GTF2IRD1: variants seen among roughly 807,000 people sequenced by gnomAD.
GTF2IRD1 encodes the protein general transcription factor II-I repeat domain-containing protein 1.
A neutral mutation model predicts 113.2 loss-of-function variants in GTF2IRD1; 26 were observed. That is an observed-to-expected ratio of 0.23 (90% CI 0.17 to 0.32). The LOEUF is 0.32. GTF2IRD1 is among the 10% of genes least tolerant of loss of function. The probability of loss-of-function intolerance (pLI) is 1.00; values close to 1 mark genes in which losing one functional copy is unlikely to be tolerated. For synonymous variants in GTF2IRD1, 484 were observed against 529.1 expected (o/e 0.91, Z 1.17); for missense variants, 864 against 1,280.8 (o/e 0.67, Z 4.97).
intron 1 of GTF2IRD1, among the ~76,000 whole-genome samples, chr7:74,495,912 GTC>G (rs1186700540): frequency 6.6e-6 from 1 of 152,156 alleles, no homozygotes; most frequent in Non-Finnish European, 1.5e-5. Flanking sequence ...TGCCCTGCGC[GTC>G]TCTGTGTCCC....
intron 3 of GTF2IRD1, among the ~76,000 whole-genome samples, chr7:74,514,370 G>A (rs781929215): frequency 4.6e-5 from 7 of 152,120 alleles, no homozygotes; most frequent in East Asian, 1.9e-4. Context: ...GGACTGGGCC[G>A]GGTAGAATGG....
chr7:74,549,185 TC>T (rs1292769514), intron 17 of GTF2IRD1, among the ~76,000 whole-genome samples: 1 of 150,634 alleles, frequency 6.6e-6, no homozygotes, highest in African/African-American at 2.4e-5. Flanking sequence ...AGCTGTAATC[TC>T]CCTGTCATCA....
intron 9 of GTF2IRD1, among the ~76,000 whole-genome samples, chr7:74,534,063 T>C (rs1798135885): frequency 6.6e-6 from 1 of 151,168 alleles, no homozygotes; most frequent in Non-Finnish European, 1.5e-5. Flanking sequence ...GTTCACCTTG[T>C]GCTGCCACGA....
chr7:74,507,970 G>A (rs1796390435), intron 1 of GTF2IRD1, 105 bp from the exon 2 acceptor site: 3 of 1,282,062 alleles, frequency 2.3e-6, no homozygotes, highest in East Asian at 2.5e-5. Flanking sequence ...GGATACAGAG[G>A]CGGTCTTGGG....
intron 11 of GTF2IRD1, among the ~76,000 whole-genome samples, chr7:74,536,633 C>A (rs1178226021): frequency 2.0e-5 from 3 of 151,422 alleles, no homozygotes; most frequent in African/African-American, 7.3e-5. Context: ...CATGGTGAAA[C>A]TCCCATCTCT....
rs1345917917 is a variant in GTF2IRD1 at position 74,538,046 on chromosome 7, C to T, written c.1410-90C>T. ...GGGATGCCTTCTGCAGTGGCGCCCG[C>T]GGTGGGCCCTGACTGCCTGGAGGGG... is the stretch of plus-strand genomic sequence containing the variant. On this transcript the variant is annotated intron_variant, in intron 11 of 26. Transcript: ENST00000424337. The T allele has an allele frequency of 2.9e-5, 38 of 1,307,118 alleles. No individual in the cohort carries two copies. In the Admixed American group the frequency reaches 4.6e-4, roughly 16 times the overall value. The allele number at this position is 1,307,118 out of a possible 1,614,324, so 81.0% of individuals were successfully genotyped here.
chr7:74,571,427 C>T (rs1382147631), intron 22 of GTF2IRD1, among the ~76,000 whole-genome samples: 1 of 152,172 alleles, frequency 6.6e-6, no homozygotes, highest in Non-Finnish European at 1.5e-5. Flanking sequence ...CTTCTGCTGA[C>T]GTCCCCATAG....
chr7:74,531,793 C>T (rs1797979146), intron 9 of GTF2IRD1, among the ~76,000 whole-genome samples: 1 of 152,084 alleles, frequency 6.6e-6, no homozygotes, highest in East Asian at 1.9e-4. Context: ...AGGGTATGCA[C>T]CATCTGGGAG....
intron 22 of GTF2IRD1, among the ~76,000 whole-genome samples, chr7:74,589,032 A>G (rs1162108331): frequency 6.6e-6 from 1 of 152,146 alleles, no homozygotes; most frequent in Non-Finnish European, 1.5e-5. Flanking sequence ...TGTGCCCAAC[A>G]CAGGGCCTGT....
chr7:74,546,651 G>A (rs1328613430), intron 16 of GTF2IRD1, among the ~76,000 whole-genome samples: 6 of 152,194 alleles, frequency 3.9e-5, no homozygotes, highest in South Asian at 4.1e-4. Flanking sequence ...GGCAGAGATC[G>A]GGTTCGTTCC....
chr7:74,599,119 A>G (rs587727447), intron 25 of GTF2IRD1, among the ~76,000 whole-genome samples: 1 of 152,046 alleles, frequency 6.6e-6, no homozygotes, highest in Admixed American at 6.6e-5. Flanking sequence ...ACATACAGAG[A>G]CCCCGTCTCT....
At chr7:74,467,842 C>T (rs993493053) in intron 1 of GTF2IRD1, among the ~76,000 whole-genome samples, 1 of 152,042 alleles carries the variant, frequency 6.6e-6, no homozygotes, top group Non-Finnish European at 1.5e-5. Context: ...TACAGGCGCC[C>T]GCCACTGCTC....
chr7:74,556,992 G>A lies in GTF2IRD1; in HGVS notation c.2024-647G>A, dbSNP rs587594081. Reference sequence around the variant, plus strand: ...TTGGTGGCTCATGCCTGTAATCCCAGCACTTTTGGAGGCTGAGGCAGGCAG... The same window carrying A: ...TTGGTGGCTCATGCCTGTAATCCCAACACTTTTGGAGGCTGAGGCAGGCAG... On this transcript the variant is annotated intron_variant, in intron 19 of 26. Transcript: ENST00000424337. Among the ~76,000 whole-genome samples, 21 of 152,182 alleles carry A rather than the reference G, an allele frequency of 1.4e-4. No individual in the cohort carries two copies. The South Asian group carries it at 4.4e-3, about 32-fold the overall frequency.
Position 74,559,047 on chromosome 7 carries a change from A to G in GTF2IRD1, c.2291+3A>G. On this transcript the variant is annotated splice_donor_region_variant and intron_variant, in intron 21 of 26. Transcript: ENST00000424337. ...AAGATCAAGTTCACAGTCACCAGGTACTCAGTGGGAAGGGTGAGGGTGAAG... is the reference window on the plus strand; with the variant it reads ...AAGATCAAGTTCACAGTCACCAGGTGCTCAGTGGGAAGGGTGAGGGTGAAG... The G allele has an allele frequency of 6.2e-7, 1 of 1,612,714 alleles. No homozygotes were observed. The highest frequency in any genetic ancestry group is 1.3e-5 in the African/African-American group (1 of 75,044).
chr7:74,552,495 G>A (rs369042231), intron 17 of GTF2IRD1, among the ~76,000 whole-genome samples: 2 of 152,002 alleles, frequency 1.3e-5, no homozygotes, highest in Non-Finnish European at 1.5e-5. Context: ...CAGCCTGGGC[G>A]ACAAGAGCAA....
intron 1 of GTF2IRD1, among the ~76,000 whole-genome samples, chr7:74,482,829 G>T (rs1391887460): frequency 6.6e-6 from 1 of 152,170 alleles, no homozygotes; most frequent in Non-Finnish European, 1.5e-5. Context: ...TGTCTTTGTG[G>T]TTTGCTCATA....
intron 14 of GTF2IRD1, among the ~76,000 whole-genome samples, chr7:74,543,537 G>C (rs1179879735): frequency 3.3e-5 from 5 of 152,116 alleles, no homozygotes; most frequent in African/African-American, 1.2e-4. Context: ...ATGGATTAGA[G>C]GATTTTGCAT....
intron 22 of GTF2IRD1, among the ~76,000 whole-genome samples, chr7:74,569,428 T>C (rs1800551170): frequency 6.6e-6 from 1 of 152,196 alleles, no homozygotes; most frequent in Non-Finnish European, 1.5e-5. Flanking sequence ...GTCTATGCTG[T>C]TCTGCGGCCT....
At chr7:74,587,549 C>T (rs587764353) in intron 22 of GTF2IRD1, among the ~76,000 whole-genome samples, 13 of 152,246 alleles carry the variant, frequency 8.5e-5, no homozygotes, top group African/African-American at 2.9e-4. Flanking sequence ...CGTCTAGCTC[C>T]ACCCCACAAC....
Sources: gnomAD v4.1 joint callset for allele counts (sites outside exome capture counted in the v4.1 genomes callset) on GRCh38, gnomAD v4.1.1 for gene constraint, MANE v1.5 for transcripts, NCBI Gene and HGNC (gene_info 2026-07-23, HGNC 2026-07-21) for gene names.